The following TP53BP1 variants were observed in gnomAD, a reference collection of about 807,000 sequenced individuals.
TP53BP1 encodes the protein tumor protein p53 binding protein 1, also known as TP53-binding protein 1.
Under a neutral mutation model 200.8 loss-of-function variants are expected in TP53BP1, and 61 were observed. The observed-to-expected ratio is 0.30, with a 90% CI of 0.25 to 0.38. TP53BP1 has a LOEUF of 0.38. TP53BP1 is among the 10% of genes least tolerant of loss of function. The pLI, the probability that TP53BP1 is intolerant of heterozygous loss-of-function variation, is 1.00. For synonymous variants in TP53BP1, 822 were observed against 844.3 expected (o/e 0.97, Z 0.46); for missense variants, 2,144 against 2,371.9 (o/e 0.90, Z 2.00).
chr15:43,455,202 C>T (rs1359922870), intron 12 of TP53BP1, among the ~76,000 whole-genome samples: 6 of 152,094 alleles, frequency 3.9e-5, no homozygotes, highest in Admixed American at 3.3e-4. Flanking sequence ...ATAGGATACT[C>T]ATCAACAGTT....
At position 43,416,234 on chromosome 15, in the gene TP53BP1, T is replaced by C. The variant is rs1186237250; in HGVS notation, c.4864A>G (p.Ile1622Val). 1.9e-6 allele frequency: 3 copies of C among 1,613,278 alleles called. No individual in the cohort carries two copies. The highest frequency in any genetic ancestry group is 2.5e-6 in the Non-Finnish European group (3 of 1,179,840). Residue 1622 changes from isoleucine to valine, a missense_variant, in exon 22 of 28, where the codon ATC (isoleucine) becomes GTC (valine). Transcript: ENST00000382044. The part of the protein sequence containing the change: ...AVTPLTKAAD[I>V]SLDNLVEGKR... ...GAAGCAAAAGTCTTACCTAAGCTGA[T>C]ATCTGCTGCCTTTGTAAGAGGTGTT...
chr15:43,407,449 G>A lies in TP53BP1; in HGVS notation c.5868C>T (p.Leu1956=). ...TGAATCCAATTCTCTCCCCAACAAT[G>A]AGGCACTGGATCACCCACTCTTGTG... is the stretch of plus-strand genomic sequence containing the variant. ...VVSQEWVIQC[L]IVGERIGFKQ... Residue 1956 remains leucine, a synonymous_variant, in exon 28 of 28, where the codon CTC becomes CTT. Transcript: ENST00000382044. 6.2e-7 allele frequency: 1 copy of A among 1,614,186 alleles called. No individual in the cohort carries two copies.
intron 7 of TP53BP1, 38 bp from the exon 8 acceptor site, chr15:43,477,797 G>C (rs985917703): frequency 7.0e-7 from 1 of 1,434,612 alleles, no homozygotes. Flanking sequence ...AAGTTCCTAA[G>C]TTCAAATGTT....
Position 43,474,732 on chromosome 15 carries a change from G to T in TP53BP1, c.1121C>A (p.Ala374Asp). The change falls in exon 10 of 28, where the codon GCT becomes GAT. Residue 374 changes from alanine to aspartate, a missense_variant. Physicochemically the swap from Ala to Asp is moderately radical, Grantham distance 126. Transcript: ENST00000382044. Reference sequence around the variant, plus strand: ...AACGATAAAAGGAGTAGATCGGAAAGCATCAGGAGAAGGAGCAACAAGATC... The same window carrying T: ...AACGATAAAAGGAGTAGATCGGAAATCATCAGGAGAAGGAGCAACAAGATC... The part of the protein sequence containing the change: ...SSDLVAPSPD[A>D]FRSTPFIVPS... 7 of 1,613,508 alleles carry T rather than the reference G, an allele frequency of 4.3e-6. No homozygotes were observed. Among genetic ancestry groups the T allele is most frequent in the Non-Finnish European group, 5.9e-6 (7 of 1,179,438 alleles).
intron 23 of TP53BP1, among the ~76,000 whole-genome samples, 200 bp from the exon 24 acceptor site, chr15:43,413,534 A>G (rs928678542): frequency 5.3e-5 from 8 of 152,206 alleles, no homozygotes; most frequent in African/African-American, 1.9e-4. Context: ...AATTTACAAC[A>G]AAGAGAAATT....
chr15:43,441,249 G>C (rs185993072), intron 15 of TP53BP1: 2 of 306,368 alleles, frequency 6.5e-6, no homozygotes, highest in Admixed American at 9.7e-5. Flanking sequence ...GGAGACTCTT[G>C]TATCAGCAAC....
chr15:43,449,458 C>T (rs954344472), intron 12 of TP53BP1, among the ~76,000 whole-genome samples: 5 of 152,094 alleles, frequency 3.3e-5, no homozygotes, highest in Non-Finnish European at 2.9e-5. Context: ...AAAATATATC[C>T]CTGTAACAAG....
At chr15:43,449,287 T>C (rs564363905) in intron 12 of TP53BP1, among the ~76,000 whole-genome samples, 15 of 152,202 alleles carry the variant, frequency 9.9e-5, no homozygotes, top group Admixed American at 4.6e-4. Flanking sequence ...ATAAAGCAAG[T>C]TGTTCTAATA....
At position 43,413,244 on chromosome 15, in the gene TP53BP1, A is replaced by C. The variant is rs777680128; in HGVS notation, c.5180T>G (p.Leu1727Trp). Residue 1727 changes from leucine (L) to tryptophan (W), a missense_variant, in exon 24 of 28, where the codon TTG (leucine) becomes TGG (tryptophan). Physicochemically the swap from Leu to Trp is moderately conservative, Grantham distance 61. This residue lies in a region of TP53BP1 where 334 missense variants were observed against 453.4 expected (regional missense o/e 0.74). Transcript: ENST00000382044. The part of the protein sequence containing the change: ...PSALEEQRGP[L>W]PLNKTLFLGY... ...CAGAAACAAGGTCTTGTTGAGAGGC[A>C]AAGGCCCTCTCTGCTCTTCCAGGGC... is the stretch of plus-strand genomic sequence containing the variant. The C allele has an allele frequency of 1.9e-6, 3 of 1,614,068 alleles. No homozygotes were observed. The highest frequency in any genetic ancestry group is 2.5e-6 in the Non-Finnish European group (3 of 1,180,028).
upstream of TP53BP1, among the ~76,000 whole-genome samples, chr15:43,495,555 C>T (rs1252467615): frequency 6.7e-6 from 1 of 150,150 alleles, no homozygotes; most frequent in Non-Finnish European, 1.5e-5. Context: ...CGGTAGCTCA[C>T]GCCTGTAATC....
chr15:43,450,642 T>C lies in TP53BP1; in HGVS notation c.2717-3157A>G, dbSNP rs1340898689. 2.0e-5 allele frequency among the ~76,000 whole-genome samples: 3 copies of C among 152,230 alleles called. No homozygotes were observed. In the East Asian group the frequency reaches 5.8e-4, roughly 29 times the overall value. The stretch of plus-strand genomic sequence containing the variant: ...CAAGATTGGGCTTCCAAGTACCATC[T>C]TGCTTTTTTACAGGTTTAACAGGAG... On this transcript the variant is annotated intron_variant, in intron 12 of 27. Transcript: ENST00000382044.
rs546157249 is a variant in TP53BP1 at position 43,473,276 on chromosome 15, C to G, written c.1180+1397G>C. ...CCCGAGCGGGTTGCCACTGCTGGCT[C>G]GGGCAGCCTGCTTTTATTCTCTTAT... On this transcript the variant is annotated intron_variant, in intron 10 of 27. Transcript: ENST00000382044. 6.6e-5 allele frequency among the ~76,000 whole-genome samples: 10 copies of G among 152,240 alleles called. No individual in the cohort carries two copies. The East Asian group carries it at 1.9e-3, about 29-fold the overall frequency.
chr15:43,475,478 T>G (rs1047002890), intron 9 of TP53BP1, 87 bp downstream of exon 9: 23 of 1,472,854 alleles, frequency 1.6e-5, no homozygotes, highest in Non-Finnish European at 2.1e-5. Context: ...AATTCTAGAC[T>G]AGCAGATAAG....
upstream of TP53BP1, among the ~76,000 whole-genome samples, chr15:43,495,471 C>T (rs1227857475): frequency 1.4e-5 from 2 of 146,182 alleles, no homozygotes; most frequent in South Asian, 2.2e-4. Flanking sequence ...TGCACTCCAG[C>T]GTGGGCAGCA....
At chr15:43,493,309 G>C, upstream of TP53BP1, 2 of 1,121,880 alleles carry the variant, frequency 1.8e-6, no homozygotes, top group Non-Finnish European at 2.4e-6. Context: ...TGGCAGCATG[G>C]ACGTTGCAGG....
rs377070125 is a variant in TP53BP1, at chr15:43,446,482, G to T, written c.2945C>A (p.Ala982Asp). ...TAATTTATCATCCACGTCTGGGGCA[G>T]CCCCAGAATCCCCTTTTCCACTCCC... ...ILGSGKGDSG[A>D]APDVDDKLCL... Residue 982 changes from alanine (A) to aspartate (D), a missense_variant, in exon 14 of 28, where the codon GCT (alanine) becomes GAT (aspartate). Physicochemically the swap from Ala to Asp is moderately radical, Grantham distance 126. This residue lies in a region of TP53BP1 where 1,700 missense variants were observed against 1,710.3 expected (regional missense o/e 0.99). Coordinates refer to ENST00000382044, the MANE Select transcript of TP53BP1 (RefSeq NM_001141980.3). 6 of 1,614,128 alleles carry T rather than the reference G, an allele frequency of 3.7e-6. No individual in the cohort carries two copies. The highest frequency in any genetic ancestry group is 1.3e-5 in the African/African-American group (1 of 75,004).
intron 11 of TP53BP1, among the ~76,000 whole-genome samples, chr15:43,464,888 A>G (rs2046532294): frequency 6.6e-6 from 1 of 152,148 alleles, no homozygotes; most frequent in Admixed American, 6.5e-5. Flanking sequence ...AGCATGGGCA[A>G]CAAGTACGAA....
chr15:43,493,162 T>A, upstream of TP53BP1: 1 of 1,542,486 alleles, frequency 6.5e-7, no homozygotes, highest in Non-Finnish European at 8.7e-7. Context: ...AACTCCCCCT[T>A]TCCCGTCACG....
At chr15:43,498,717 G>A (rs2079193813) in intron 1 of TP53BP1, among the ~76,000 whole-genome samples, 1 of 152,210 alleles carries the variant, frequency 6.6e-6, no homozygotes, top group South Asian at 2.1e-4. Context: ...TGGGAGCACT[G>A]TTGATATCTG....
Sources: allele counts gnomAD v4.1 joint callset (sites outside exome capture counted in the v4.1 genomes callset), GRCh38; gene constraint gnomAD v4.1.1; regional missense constraint gnomAD v4.1.1; transcripts MANE v1.5; gene names NCBI Gene and HGNC (gene_info 2026-07-23, HGNC 2026-07-21).